The following CCDC198 variants were observed in gnomAD, a reference collection of about 807,000 sequenced individuals.
CCDC198 encodes factor associated with metabolism and energy.
Under a neutral mutation model 35.6 loss-of-function variants are expected in CCDC198, and 18 were observed. The observed-to-expected ratio is 0.51, with a 90% confidence interval of 0.35 to 0.75. CCDC198 has a LOEUF of 0.75. CCDC198 is among the 30% of genes least tolerant of loss of function. The pLI is 0.01. For synonymous variants in CCDC198, 119 were observed against 113.4 expected (o/e 1.05, Z -0.31); for missense variants, 365 against 343.7 (o/e 1.06, Z -0.49).
chr14:57,485,773 A>G (rs1294942782), intron 2 of CCDC198, among the ~76,000 whole-genome samples: 1 of 152,206 alleles, frequency 6.6e-6, no homozygotes, highest in Non-Finnish European at 1.5e-5. Context: ...AAGAGACAAC[A>G]AGGGGGAAGA....
At chr14:57,478,413 A>G (rs2067072478) in intron 5 of CCDC198, 1 of 943,498 alleles carries the variant, frequency 1.1e-6, no homozygotes, top group Non-Finnish European at 1.3e-6. Flanking sequence ...GAGATAATGC[A>G]TATTAAAGGC....
At chr14:57,476,360 A>G (rs555870827) in intron 5 of CCDC198, among the ~76,000 whole-genome samples, 35 of 152,302 alleles carry the variant, frequency 2.3e-4, no homozygotes, top group Non-Finnish European at 5.0e-4. Context: ...CCCTGCCTTC[A>G]TGGAGCTTCC....
intron 5 of CCDC198, among the ~76,000 whole-genome samples, chr14:57,476,069 C>T (rs2066987972): frequency 1.3e-5 from 2 of 151,970 alleles, no homozygotes; most frequent in South Asian, 4.2e-4. Context: ...TCCCAAAGTG[C>T]TGGGATTACA....
chr14:57,492,252 T>C lies in CCDC198; in HGVS notation c.224-1181A>G, dbSNP rs538764586. Among the ~76,000 whole-genome samples, 352 of 152,132 alleles carry C rather than the reference T, an allele frequency of 2.3e-3. 1 individual carries two copies. Among genetic ancestry groups the C allele is most frequent in the African/African-American group, 7.9e-3 (329 of 41,540 alleles). On this transcript the variant is annotated intron_variant, in intron 1 of 5. Coordinates refer to ENST00000216445, the MANE Select transcript of CCDC198 (RefSeq NM_018168.4). ...ATTTGATGGAGCTGGGGTGAGAATA[T>C]GGGAGATCATGAGGATTCTCATGAT...
intron 1 of CCDC198, 21 bp downstream of exon 1, chr14:57,493,472 C>T: frequency 6.9e-6 from 11 of 1,588,274 alleles, no homozygotes; most frequent in Admixed American, 1.7e-5. Flanking sequence ...ACACACATCT[C>T]ATGCTGGGTT....
rs10139566 is a variant in CCDC198, at chr14:57,493,756, G to A, written c.-41C>T. The A allele has an allele frequency of 0.013, 18,697 of 1,490,170 alleles. 1,106 individuals carry two copies. In the African/African-American group the frequency reaches 0.17, roughly 13 times the overall value. The allele number at this position is 1,490,170 out of a possible 1,614,324, so 92.3% of individuals were successfully genotyped here. ...TTCAGAGGAAAGCTGCGAGGGAAGT[G>A]GTTTTGGGGTCTTTAATATAGCTTA... On this transcript the variant is annotated 5_prime_UTR_variant, in exon 1 of 6. Transcript: ENST00000216445.
rs368142705 is a variant in CCDC198 at position 57,472,810 on chromosome 14, A to G, written c.656-1220T>C. The stretch of plus-strand genomic sequence containing the variant: ...CCAGAAAGCAACAGGAGCTTTGTTC[A>G]AGGAAAGCTGGCTTTTAAGAAAACA... On this transcript the variant is annotated intron_variant, in intron 5 of 5. Coordinates refer to ENST00000216445, the MANE Select transcript of CCDC198 (RefSeq NM_018168.4). 1.3e-3 allele frequency among the ~76,000 whole-genome samples: 192 copies of G among 152,322 alleles called. 3 individuals are homozygous for G. The highest frequency in any genetic ancestry group is 4.3e-3 in the African/African-American group (177 of 41,580).
At position 57,484,229 on chromosome 14, in the gene CCDC198, A is replaced by C. The variant is rs554936774; in HGVS notation, c.307-1078T>G. Among the ~76,000 whole-genome samples, 10 of 152,340 alleles carry C rather than the reference A, an allele frequency of 6.6e-5. No homozygotes were observed. The South Asian group carries it at 2.1e-3, about 32-fold the overall frequency. ...GTCATTGCAGATATAATTAGTTAAG[A>C]TGAAGTCATGCTGGAGTAGGGCAAG... On this transcript the variant is annotated intron_variant, in intron 2 of 5. Transcript: ENST00000216445.
intron 5 of CCDC198, among the ~76,000 whole-genome samples, chr14:57,475,134 G>A (rs996571251): frequency 7.9e-5 from 12 of 151,652 alleles, no homozygotes; most frequent in South Asian, 2.1e-4. Context: ...GGTGGCGGGC[G>A]CCTGTAGTCC....
At chr14:57,491,347 T>C (rs2067562034) in intron 1 of CCDC198, among the ~76,000 whole-genome samples, 1 of 152,056 alleles carries the variant, frequency 6.6e-6, no homozygotes, top group South Asian at 2.1e-4. Flanking sequence ...AAATTACCAA[T>C]ATGTTGACTG....
intron 5 of CCDC198, among the ~76,000 whole-genome samples, chr14:57,479,676 A>C (rs1024828149): frequency 1.3e-5 from 2 of 152,182 alleles, no homozygotes; most frequent in Non-Finnish European, 2.9e-5. Context: ...GAGTAGAGTT[A>C]AGAATCACTT....
At chr14:57,493,456 C>T (rs2067645234) in intron 1 of CCDC198, 37 bp downstream of exon 1, 1 of 1,529,110 alleles carries the variant, frequency 6.5e-7, no homozygotes, top group Admixed American at 1.7e-5. Context: ...GCTCCTTGGT[C>T]CAGATACACA....
chr14:57,473,720 A>C (rs1046724394), intron 5 of CCDC198, among the ~76,000 whole-genome samples: 2 of 152,160 alleles, frequency 1.3e-5, no homozygotes, highest in African/African-American at 4.8e-5. Flanking sequence ...GTGACATTTA[A>C]AAATATGAAC....
intron 2 of CCDC198, 56 bp downstream of exon 2, chr14:57,490,933 G>A: frequency 7.2e-7 from 1 of 1,392,134 alleles, no homozygotes. Context: ...GTTTAAAAAG[G>A]GATGTTACCA....
chr14:57,487,473 G>A (rs1326596810), intron 2 of CCDC198, among the ~76,000 whole-genome samples: 1 of 152,170 alleles, frequency 6.6e-6, no homozygotes, highest in Non-Finnish European at 1.5e-5. Flanking sequence ...CACACTATAT[G>A]TGTGGGGGAA....
intron 4 of CCDC198, 48 bp from the exon 5 acceptor site, chr14:57,480,802 T>G: frequency 1.9e-6 from 3 of 1,597,196 alleles, no homozygotes; most frequent in Non-Finnish European, 8.6e-7. Context: ...CAAGCTACTT[T>G]CACCAGACTA....
intron 5 of CCDC198, among the ~76,000 whole-genome samples, chr14:57,473,763 C>T (rs1016946528): frequency 6.6e-6 from 1 of 152,174 alleles, no homozygotes; most frequent in Non-Finnish European, 1.5e-5. Flanking sequence ...TTATCAGTGG[C>T]TTCCCATTGA....
At chr14:57,492,900 C>G (rs1052738735) in intron 1 of CCDC198, among the ~76,000 whole-genome samples, 1 of 152,204 alleles carries the variant, frequency 6.6e-6, no homozygotes, top group South Asian at 2.1e-4. Flanking sequence ...ACTTCAGGCT[C>G]AGAGCTTCCA....
chr14:57,491,540 A>T (rs2067568239), intron 1 of CCDC198, among the ~76,000 whole-genome samples: 1 of 152,158 alleles, frequency 6.6e-6, no homozygotes, highest in South Asian at 2.1e-4. Flanking sequence ...GATGAGAAAG[A>T]AATGGAGTAC....
Sources: allele counts gnomAD v4.1 joint callset (sites outside exome capture counted in the v4.1 genomes callset), GRCh38; gene constraint gnomAD v4.1.1; transcripts MANE v1.5; gene names NCBI Gene and HGNC (gene_info 2026-07-23, HGNC 2026-07-21).